The following CPQ variants were observed in gnomAD, a reference collection of about 807,000 sequenced individuals.
CPQ encodes Ser-Met dipeptidase.
A neutral mutation model predicts 45.7 loss-of-function variants in CPQ; 37 were observed. The ratio of observed to expected loss-of-function variants is 0.81; its 90% confidence interval spans 0.62 to 1.07. The LOEUF is 1.07. Among genes scored for constraint, CPQ ranks in the 50% least tolerant of loss-of-function variants. CPQ has a pLI of 0.00. For missense variants in CPQ, 537 were observed against 572.9 expected, an observed-to-expected ratio of 0.94 and a Z score of 0.64; for synonymous variants, 186 against 205.8, an observed-to-expected ratio of 0.90 and a Z score of 0.82.
chr8:96,929,128 A>G (rs1443297227), intron 4 of CPQ, among the ~76,000 whole-genome samples: 1 of 152,142 alleles, frequency 6.6e-6, no homozygotes, highest in Non-Finnish European at 1.5e-5. Context: ...GATAATTCTG[A>G]TTTACATGAG....
chr8:96,926,622 T>C (rs868107220), intron 4 of CPQ, among the ~76,000 whole-genome samples: 31 of 123,838 alleles, frequency 2.5e-4, no homozygotes, highest in East Asian at 1.2e-3. Context: ...TTCTTCTTCT[T>C]CTCCTCCTTC....
chr8:96,722,227 G>T (rs1809772928), intron 1 of CPQ, among the ~76,000 whole-genome samples: 1 of 151,968 alleles, frequency 6.6e-6, no homozygotes, highest in Non-Finnish European at 1.5e-5. Context: ...TTTTTCATAT[G>T]ATTGCTCTTT....
intron 6 of CPQ, among the ~76,000 whole-genome samples, chr8:97,060,017 G>GA (rs547880146): frequency 7.2e-4 from 109 of 152,202 alleles, no homozygotes; most frequent in Middle Eastern, 3.4e-3. Flanking sequence ...AGAAACATGA[G>GA]AAAATACGTT....
chr8:97,045,563 T>C (rs541029111), intron 6 of CPQ, among the ~76,000 whole-genome samples: 46 of 152,314 alleles, frequency 3.0e-4, no homozygotes, highest in African/African-American at 1.1e-3. Context: ...AATGCAGAAA[T>C]CACCTGTCTT....
intron 7 of CPQ, among the ~76,000 whole-genome samples, chr8:97,108,944 C>T (rs1311139064): frequency 2.0e-5 from 3 of 152,210 alleles, no homozygotes; most frequent in Admixed American, 6.5e-5. Flanking sequence ...CAACGTCCAA[C>T]ACAAAATGTC....
intron 4 of CPQ, among the ~76,000 whole-genome samples, chr8:96,921,482 A>G (rs955520277): frequency 6.6e-6 from 1 of 152,060 alleles, no homozygotes; most frequent in Non-Finnish European, 1.5e-5. Context: ...CTTTTATGCC[A>G]CTCCATGTGG....
intron 1 of CPQ, among the ~76,000 whole-genome samples, chr8:96,781,129 A>C (rs1208523592): frequency 6.6e-6 from 1 of 152,200 alleles, no homozygotes; most frequent in Non-Finnish European, 1.5e-5. Context: ...ATGCTTTCGC[A>C]AAATAATAAT....
intron 6 of CPQ, among the ~76,000 whole-genome samples, chr8:97,039,704 A>G (rs1472080282): frequency 6.6e-6 from 1 of 151,728 alleles, no homozygotes; most frequent in Non-Finnish European, 1.5e-5. Context: ...TCATTGTTCA[A>G]TTCCCACCTA....
At chr8:97,021,225 A>G (rs1285715150) in intron 5 of CPQ, among the ~76,000 whole-genome samples, 1 of 152,180 alleles carries the variant, frequency 6.6e-6, no homozygotes, top group Non-Finnish European at 1.5e-5. Flanking sequence ...ACATACCTCA[A>G]TGTAATGAAA....
chr8:96,651,981 G>A (rs1815581614), intron 1 of CPQ, among the ~76,000 whole-genome samples: 1 of 152,106 alleles, frequency 6.6e-6, no homozygotes, highest in Admixed American at 6.5e-5. Context: ...TTTTTGTGGT[G>A]AAAATATTTG....
At chr8:96,838,176 A>G (rs118005770) in intron 3 of CPQ, among the ~76,000 whole-genome samples, 2,420 of 152,218 alleles carry the variant, frequency 0.016, 39 homozygotes, top group South Asian at 0.034. Context: ...CTGTATCATA[A>G]TGTCTTGGAA....
At chr8:96,741,205 A>G (rs974082216) in intron 1 of CPQ, among the ~76,000 whole-genome samples, 6 of 152,034 alleles carry the variant, frequency 3.9e-5, no homozygotes, top group African/African-American at 1.4e-4. Context: ...AGTCTTGGGA[A>G]GGTGTATGTG....
chr8:96,908,777 A>ACACACACACCCC (rs147900019), intron 4 of CPQ, among the ~76,000 whole-genome samples: 3 of 150,164 alleles, frequency 2.0e-5, no homozygotes, highest in African/African-American at 7.4e-5. Flanking sequence ...ACACACACAC[A>ACACACACACCCC]CCATATATTC....
At chr8:97,055,517 T>G (rs1470995105) in intron 6 of CPQ, 1 of 152,180 alleles carries the variant, frequency 6.6e-6, no homozygotes, top group South Asian at 2.1e-4. Flanking sequence ...ATTTCTCCCA[T>G]TTTCTAAATA....
chr8:96,944,566 A>G (rs1281879517), intron 4 of CPQ, among the ~76,000 whole-genome samples: 1 of 152,176 alleles, frequency 6.6e-6, no homozygotes, highest in African/African-American at 2.4e-5. Flanking sequence ...GGAGTTTTTC[A>G]TATGTCAACC....
intron 1 of CPQ, among the ~76,000 whole-genome samples, chr8:96,674,573 C>T (rs1809050016): frequency 6.6e-6 from 1 of 152,120 alleles, no homozygotes; most frequent in South Asian, 2.1e-4. Context: ...AAAGGTCTGT[C>T]AGCACATCCA....
chr8:96,854,323 AGATC>A (rs1378893104), intron 3 of CPQ, among the ~76,000 whole-genome samples: 1 of 151,480 alleles, frequency 6.6e-6, no homozygotes, highest in Non-Finnish European at 1.5e-5. Context: ...CGAGGTCAGG[AGATC>A]GAGACCATCC....
intron 3 of CPQ, among the ~76,000 whole-genome samples, chr8:96,859,234 C>T (rs531947009): frequency 3.9e-5 from 6 of 152,282 alleles, no homozygotes; most frequent in African/African-American, 1.4e-4. Context: ...CCCTCCAGGG[C>T]TTTTGATTGT....
At chr8:97,016,372 G>T (rs1809580138) in intron 5 of CPQ, among the ~76,000 whole-genome samples, 1 of 152,152 alleles carries the variant, frequency 6.6e-6, no homozygotes, top group South Asian at 2.1e-4. Flanking sequence ...CACAAAAATG[G>T]CATCTTTTAC....
Sources: allele counts gnomAD v4.1 joint callset (sites outside exome capture counted in the v4.1 genomes callset), GRCh38; gene constraint gnomAD v4.1.1; transcripts MANE v1.5; gene names NCBI Gene and HGNC (gene_info 2026-07-23, HGNC 2026-07-21).